Variants in GLS observed in about 807,000 individuals in gnomAD.
GLS encodes glutaminase, also known as glutaminase kidney isoform, mitochondrial.
In GLS, 36 loss-of-function variants were observed where a neutral mutation model predicts 86.7. The observed-to-expected ratio is 0.42, with a 90% CI of 0.32 to 0.55. GLS has a LOEUF of 0.55. Ranked by LOEUF, GLS falls within the 20% of genes least tolerant of loss-of-function variation. GLS has a pLI of 0.17. For missense variants in GLS, 528 were observed against 833.4 expected, an observed-to-expected ratio of 0.63 and a Z score of 4.51; for synonymous variants, 317 against 305.9, an observed-to-expected ratio of 1.04 and a Z score of -0.38.
intron 1 of GLS, among the ~76,000 whole-genome samples, chr2:190,889,531 G>A (rs1688497417): frequency 6.6e-6 from 1 of 152,144 alleles, no homozygotes; most frequent in South Asian, 2.1e-4. Flanking sequence ...GTCTATAGTG[G>A]TATCAGAGTG....
At position 190,905,411 on chromosome 2, in the gene GLS, C is replaced by T. The variant is rs185733570; in HGVS notation, c.979+244C>T. ...CATAACCACCTTTAGGGAAATATAG[C>T]GAAATCTCAAAATACATGAGATTTG... is the stretch of plus-strand genomic sequence containing the variant. On this transcript the variant is annotated intron_variant, in intron 6 of 17. Transcript: ENST00000320717. The surrounding 1 kb of genome is among the most constrained non-coding windows in gnomAD (Gnocchi z 4.6). 911 of 354,258 alleles carry T rather than the reference C, an allele frequency of 2.6e-3. 6 individuals carry two copies. Among genetic ancestry groups the T allele is most frequent in the Middle Eastern group, 9.5e-3 (12 of 1,260 alleles). The allele number at this position is 354,258 out of a possible 1,614,324, so 21.9% of individuals were successfully genotyped here.
chr2:190,898,121 A>G (rs976179370), intron 3 of GLS, among the ~76,000 whole-genome samples: 1 of 152,190 alleles, frequency 6.6e-6, no homozygotes, highest in Non-Finnish European at 1.5e-5. Flanking sequence ...TTGTATGATC[A>G]TAATTTTTTG....
intron 14 of GLS, among the ~76,000 whole-genome samples, chr2:190,936,570 C>CA (rs1690277224): frequency 6.6e-6 from 1 of 150,990 alleles, no homozygotes; most frequent in African/African-American, 2.4e-5. Flanking sequence ...TTCAATTTGA[C>CA]TTTAAAGATT....
rs1002693785 is a variant in GLS, at chr2:190,949,522, C to T, written c.1651-4043C>T. Among the ~76,000 whole-genome samples, 2 of 151,918 alleles carry T rather than the reference C, an allele frequency of 1.3e-5. No homozygotes were observed. Among genetic ancestry groups the T allele is most frequent in the South Asian group, 2.1e-4 (1 of 4,816 alleles). ...CAGCCTGGCCAACCTAGTGAAACCCCGTCTCTACCAAAAACTACAAAAATT... is the reference window on the plus strand; with the variant it reads ...CAGCCTGGCCAACCTAGTGAAACCCTGTCTCTACCAAAAACTACAAAAATT... On this transcript the variant is annotated intron_variant, in intron 14 of 17. Transcript: ENST00000320717. This position sits in a 1 kb window ranked among gnomAD's most constrained non-coding sequence, Gnocchi z 4.0.
At position 190,914,222 on chromosome 2, in the gene GLS, C is replaced by T. The variant is rs1467066237; in HGVS notation, c.1038+3901C>T. The stretch of plus-strand genomic sequence containing the variant: ...TCTCTTTAAACAATTTGTAATCATA[C>T]TCATTGAAAATCAAGACAAGCTTAG... On this transcript the variant is annotated intron_variant, in intron 7 of 17. Coordinates refer to ENST00000320717, the MANE Select transcript of GLS (RefSeq NM_014905.5). The surrounding 1 kb of genome is among the most constrained non-coding windows in gnomAD (Gnocchi z 4.4). Among the ~76,000 whole-genome samples, 1 of 151,820 alleles carries T rather than the reference C, an allele frequency of 6.6e-6. No homozygotes were observed. The highest frequency in any genetic ancestry group is 1.5e-5 in the Non-Finnish European group (1 of 67,988).
intron 12 of GLS, among the ~76,000 whole-genome samples, chr2:190,928,866 T>C (rs1689994287): frequency 7.2e-6 from 1 of 138,836 alleles, no homozygotes; most frequent in African/African-American, 2.6e-5. Context: ...GTATTTCCTA[T>C]AAATTTGTAG....
At chr2:190,900,530 C>T in intron 3 of GLS, 34 bp from the exon 4 acceptor site, 3 of 1,332,846 alleles carry the variant, frequency 2.3e-6, no homozygotes, top group Non-Finnish European at 3.1e-6. Context: ...TTGAAATGTA[C>T]CCAGTTTATT....
chr2:190,934,907 AAG>A, intron 14 of GLS: 1 of 978,522 alleles, frequency 1.0e-6, no homozygotes, highest in Non-Finnish European at 1.2e-6. Flanking sequence ...AAACTTAAAA[AAG>A]AAAAAACTTT....
chr2:190,896,872 C>T (rs1299029713), intron 3 of GLS, among the ~76,000 whole-genome samples: 1 of 152,200 alleles, frequency 6.6e-6, no homozygotes, highest in Non-Finnish European at 1.5e-5. Flanking sequence ...GATTATTTTT[C>T]GTGTTCATGA....
chr2:190,927,112 A>G (rs554604474), intron 11 of GLS, 194 bp from the exon 12 acceptor site: 65 of 501,736 alleles, frequency 1.3e-4, no homozygotes, highest in African/African-American at 1.2e-3. Flanking sequence ...CTTTGGCCAA[A>G]TCAGGGTAAA....
At chr2:190,945,543 T>C (rs1440965597) in intron 14 of GLS, among the ~76,000 whole-genome samples, 1 of 151,788 alleles carries the variant, frequency 6.6e-6, no homozygotes, top group East Asian at 1.9e-4. Context: ...CACATGCTTG[T>C]GGTCCCAGCT....
chr2:190,960,550 A>ATTTTTTT (rs1236033621), intron 17 of GLS, among the ~76,000 whole-genome samples: 1 of 150,912 alleles, frequency 6.6e-6, no homozygotes, highest in African/African-American at 2.4e-5. Flanking sequence ...TTTATTTTTT[A>ATTTTTTT]TTTTTTGTAG....
intron 7 of GLS, among the ~76,000 whole-genome samples, chr2:190,912,409 C>T (rs757265567): frequency 3.4e-5 from 5 of 147,986 alleles, no homozygotes; most frequent in Admixed American, 6.8e-5. Context: ...TGATATAACC[C>T]TATGTAAAAT....
intron 7 of GLS, among the ~76,000 whole-genome samples, chr2:190,912,623 G>A (rs1689401360): frequency 6.6e-6 from 1 of 152,050 alleles, no homozygotes; most frequent in South Asian, 2.1e-4. Context: ...TTATATAACG[G>A]AGGAAACTGA....
At position 190,924,659 on chromosome 2, in the gene GLS, G is replaced by T. The variant is rs1689843856; in HGVS notation, c.1248+66G>T. On this transcript the variant is annotated intron_variant, in intron 11 of 17. Coordinates refer to ENST00000320717, the MANE Select transcript of GLS (RefSeq NM_014905.5). The surrounding 1 kb of genome is among the most constrained non-coding windows in gnomAD (Gnocchi z 5.2). ...CGGCTGGGCACGGTGGCTCACGCCT[G>T]TAATCCCAGCACTTTGGGAGGCCAG... 1 of 871,770 alleles carries T rather than the reference G, an allele frequency of 1.1e-6. No homozygotes were observed. The highest frequency in any genetic ancestry group is 2.0e-6 in the Non-Finnish European group (1 of 512,558). 54.0% of individuals were successfully genotyped at this position (871,770 alleles called of 1,614,324 possible).
chr2:190,901,640 TAA>T (rs879271802), intron 4 of GLS, among the ~76,000 whole-genome samples: 8 of 141,280 alleles, frequency 5.7e-5, no homozygotes, highest in African/African-American at 1.6e-4. Flanking sequence ...TTTTCCTGCT[TAA>T]AAAAAAAAAA....
At chr2:190,904,126 T>G (rs1442787108) in intron 5 of GLS, among the ~76,000 whole-genome samples, 1 of 152,154 alleles carries the variant, frequency 6.6e-6, no homozygotes, top group Admixed American at 6.5e-5. Context: ...AGCTCTGTCA[T>G]GTTTATAAAA....
chr2:190,886,308 G>T (rs935002942), intron 1 of GLS, among the ~76,000 whole-genome samples: 1 of 152,132 alleles, frequency 6.6e-6, no homozygotes, highest in African/African-American at 2.4e-5. Context: ...ACAAACTCAT[G>T]CTGTTAATTT....
At chr2:190,936,612 CA>C (rs1690278218) in intron 14 of GLS, among the ~76,000 whole-genome samples, 1 of 151,096 alleles carries the variant, frequency 6.6e-6, no homozygotes, top group South Asian at 2.1e-4. Flanking sequence ...CATTCACTAC[CA>C]GGACTGCCAG....
Sources: allele counts gnomAD v4.1 joint callset (sites outside exome capture counted in the v4.1 genomes callset), GRCh38; gene constraint gnomAD v4.1.1; non-coding constraint Gnocchi (gnomAD v3.1); transcripts MANE v1.5; gene names NCBI Gene and HGNC (gene_info 2026-07-23, HGNC 2026-07-21).